CPQ: variants seen among roughly 807,000 people sequenced by gnomAD.
The protein encoded by CPQ is carboxypeptidase Q.
CPQ carries 37 observed loss-of-function variants against 45.7 expected under a neutral mutation model. That is an observed-to-expected ratio of 0.81 (90% confidence interval 0.62 to 1.07). The LOEUF is 1.07. Among genes scored for constraint, CPQ ranks in the 50% least tolerant of loss-of-function variants. The pLI, the probability that CPQ is intolerant of heterozygous loss-of-function variation, is 0.00. For missense variants in CPQ, 537 were observed against 572.9 expected, an observed-to-expected ratio of 0.94 and a Z score of 0.64; for synonymous variants, 186 against 205.8, an observed-to-expected ratio of 0.90 and a Z score of 0.82.
rs569081312 is a variant in CPQ at position 97,112,861 on chromosome 8, C to T, written c.1256-30159C>T. 4.6e-5 allele frequency among the ~76,000 whole-genome samples: 7 copies of T among 152,308 alleles called. No individual in the cohort carries two copies. The South Asian group carries it at 8.3e-4, about 18-fold the overall frequency. On this transcript the variant is annotated intron_variant, in intron 7 of 7. Coordinates refer to ENST00000220763, the MANE Select transcript of CPQ (RefSeq NM_016134.4). The stretch of plus-strand genomic sequence containing the variant: ...GGATGGGGCTCTGGTTTCAGGCTTG[C>T]GCCTCTGGGATAATCGTAGCACACC...
At chr8:97,085,396 A>AAC (rs1043233949) in intron 7 of CPQ, among the ~76,000 whole-genome samples, 1 of 151,310 alleles carries the variant, frequency 6.6e-6, no homozygotes, top group African/African-American at 2.4e-5. Flanking sequence ...AAAAAAAAAA[A>AAC]CCAAAAACAA....
intron 2 of CPQ, among the ~76,000 whole-genome samples, chr8:96,831,293 C>T (rs533301377): frequency 5.3e-5 from 8 of 151,914 alleles, no homozygotes; most frequent in Admixed American, 2.0e-4. Context: ...GCACTTGGAA[C>T]TTACATTATT....
At chr8:96,746,598 A>G (rs1472180549) in intron 1 of CPQ, among the ~76,000 whole-genome samples, 2 of 152,160 alleles carry the variant, frequency 1.3e-5, no homozygotes, top group Non-Finnish European at 2.9e-5. Flanking sequence ...GCCCAGCCAC[A>G]AGCATTATTT....
chr8:97,017,940 A>C (rs1809611075), intron 5 of CPQ, among the ~76,000 whole-genome samples: 1 of 152,088 alleles, frequency 6.6e-6, no homozygotes, highest in South Asian at 2.1e-4. Context: ...CAGCTCAAAA[A>C]TAGTGCACTA....
At chr8:96,875,793 A>T (rs1288081611) in intron 3 of CPQ, among the ~76,000 whole-genome samples, 2 of 151,888 alleles carry the variant, frequency 1.3e-5, no homozygotes, top group Non-Finnish European at 2.9e-5. Flanking sequence ...AATGATTTCC[A>T]TATGAATTTT....
intron 2 of CPQ, among the ~76,000 whole-genome samples, chr8:96,815,405 C>G (rs1480208014): frequency 1.3e-5 from 2 of 151,890 alleles, no homozygotes; most frequent in African/African-American, 2.4e-5. Context: ...GAAATGGAAG[C>G]TTGGAGAGCT....
chr8:96,696,787 A>G (rs1809390470), intron 1 of CPQ, among the ~76,000 whole-genome samples: 1 of 152,158 alleles, frequency 6.6e-6, no homozygotes, highest in African/African-American at 2.4e-5. Context: ...ATCTCATTCT[A>G]GATACAAACA....
chr8:96,751,032 A>G (rs955492151), intron 1 of CPQ, among the ~76,000 whole-genome samples: 2 of 152,132 alleles, frequency 1.3e-5, no homozygotes, highest in Non-Finnish European at 2.9e-5. Flanking sequence ...TATCCAGTCT[A>G]TCCTGGATGG....
At chr8:96,949,801 G>C (rs572338016) in intron 4 of CPQ, among the ~76,000 whole-genome samples, 1 of 152,100 alleles carries the variant, frequency 6.6e-6, no homozygotes, top group African/African-American at 2.4e-5. Flanking sequence ...AGAATGCCCA[G>C]CAGTCAGTGC....
rs1783593266 is a variant in CPQ at position 96,965,987 on chromosome 8, T to C, written c.902T>C (p.Met301Thr). 2 of 1,614,116 alleles carry C rather than the reference T, an allele frequency of 1.2e-6. No individual in the cohort carries two copies. The highest frequency in any genetic ancestry group is 1.3e-5 in the African/African-American group (1 of 75,068). Residue 301 changes from methionine to threonine, a missense_variant, in exon 5 of 8, where the codon ATG (methionine) becomes ACG (threonine). Physicochemically the swap from Met to Thr is moderately conservative, Grantham distance 81. Coordinates refer to ENST00000220763, the MANE Select transcript of CPQ (RefSeq NM_016134.4). ...AGCTGGGATGTTGGGCAGGGTGCCA[T>C]GGATGATGGCGGTGGAGCCTTTATA... The part of the protein sequence containing the change: ...LDSWDVGQGA[M>T]DDGGGAFISW...
chr8:96,879,910 A>G lies in CPQ; in HGVS notation c.754A>G (p.Ile252Val), dbSNP rs200913578. The G allele has an allele frequency of 6.8e-6, 11 of 1,614,134 alleles. No homozygotes were observed. The Admixed American group carries it at 1.7e-4, about 24-fold the overall frequency. The change falls in exon 4 of 8, where the codon ATT becomes GTT. Residue 252 changes from isoleucine (I) to valine (V), a missense_variant. By Grantham distance (29) the Ile-to-Val change is conservative (BLOSUM62 3). Transcript: ENST00000220763. ...MSRMASHGIKIVIQLKMGAKT... is the reference protein window; with the variant it reads ...MSRMASHGIKVVIQLKMGAKT... ...AAGAATGGCTTCTCATGGGATCAAA[A>G]TTGTCATTCAGCTAAAGATGGGGGC...
chr8:96,931,784 A>G (rs1022754285), intron 4 of CPQ, among the ~76,000 whole-genome samples: 3 of 152,206 alleles, frequency 2.0e-5, no homozygotes, highest in African/African-American at 7.2e-5. Flanking sequence ...ATAATTGCCC[A>G]AAGAGAAGGT....
chr8:97,035,657 C>T (rs968654525), intron 6 of CPQ, among the ~76,000 whole-genome samples: 2 of 152,020 alleles, frequency 1.3e-5, no homozygotes, highest in African/African-American at 4.8e-5. Context: ...TTTGCCCTCC[C>T]TGCTTCTTCT....
chr8:96,940,060 G>A lies in CPQ; in HGVS notation c.850-25875G>A, dbSNP rs141796720. On this transcript the variant is annotated intron_variant, in intron 4 of 7. Coordinates refer to ENST00000220763, the MANE Select transcript of CPQ (RefSeq NM_016134.4). ...AAAAACTTAATGAGAGTCTGACTCTGTTATCATAATAAATATTTTTCTACT... is the reference window on the plus strand; with the variant it reads ...AAAAACTTAATGAGAGTCTGACTCTATTATCATAATAAATATTTTTCTACT... Among the ~76,000 whole-genome samples, 835 of 152,142 alleles carry A rather than the reference G, an allele frequency of 5.5e-3. 10 individuals are homozygous for A. The highest frequency in any genetic ancestry group is 0.019 in the African/African-American group (788 of 41,512).
At chr8:97,065,085 G>A (rs1187018152) in intron 6 of CPQ, among the ~76,000 whole-genome samples, 1 of 152,194 alleles carries the variant, frequency 6.6e-6, no homozygotes, top group Admixed American at 6.5e-5. Flanking sequence ...GGTGAGTAAT[G>A]AGGAATGAGT....
At chr8:96,890,972 C>T (rs1812365055) in intron 4 of CPQ, among the ~76,000 whole-genome samples, 1 of 152,180 alleles carries the variant, frequency 6.6e-6, no homozygotes, top group African/African-American at 2.4e-5. Flanking sequence ...TGGAGAACTT[C>T]ACTCGAGCCC....
At chr8:96,786,623 G>A (rs1286195916) in intron 2 of CPQ, among the ~76,000 whole-genome samples, 1 of 152,122 alleles carries the variant, frequency 6.6e-6, no homozygotes, top group Non-Finnish European at 1.5e-5. Flanking sequence ...TGAAGTGGCT[G>A]CACAGTTTTA....
chr8:97,135,939 A>G (rs570729882), intron 7 of CPQ, among the ~76,000 whole-genome samples: 69 of 152,308 alleles, frequency 4.5e-4, no homozygotes, highest in Middle Eastern at 6.8e-3. Context: ...GAGTCAACCT[A>G]TAATAATGGT....
intron 6 of CPQ, among the ~76,000 whole-genome samples, chr8:97,041,744 A>C (rs1361272809): frequency 6.6e-6 from 1 of 151,404 alleles, no homozygotes; most frequent in Non-Finnish European, 1.5e-5. Flanking sequence ...TGAGATAATC[A>C]TGTGGTTTTT....
Sources: allele counts gnomAD v4.1 joint callset (sites outside exome capture counted in the v4.1 genomes callset), GRCh38; gene constraint gnomAD v4.1.1; transcripts MANE v1.5; gene names NCBI Gene and HGNC (gene_info 2026-07-23, HGNC 2026-07-21).